Variants in HECTD2 observed in about 807,000 individuals in gnomAD.
HECTD2 encodes HECT domain E3 ubiquitin protein ligase 2.
Under a neutral mutation model 103.2 loss-of-function variants are expected in HECTD2, and 35 were observed. The ratio of observed to expected loss-of-function variants is 0.34; its 90% CI spans 0.26 to 0.45. HECTD2 has a LOEUF of 0.45. Ranked by LOEUF, HECTD2 falls within the 20% of genes least tolerant of loss-of-function variation. The probability of loss-of-function intolerance (pLI) is 1.00; values close to 1 mark genes in which losing one functional copy is unlikely to be tolerated. For missense variants in HECTD2, 596 were observed against 937.4 expected, an observed-to-expected ratio of 0.64 and a Z score of 4.76; for synonymous variants, 281 against 329.9, an observed-to-expected ratio of 0.85 and a Z score of 1.61.
At chr10:91,427,730 T>G (rs1162711560) in intron 2 of HECTD2, among the ~76,000 whole-genome samples, 1 of 152,154 alleles carries the variant, frequency 6.6e-6, no homozygotes. Flanking sequence ...TTGAGTTCAT[T>G]GTAGATTCTG....
At chr10:91,421,206 C>T (rs1328054356) in intron 1 of HECTD2, among the ~76,000 whole-genome samples, 7 of 152,152 alleles carry the variant, frequency 4.6e-5, no homozygotes, top group African/African-American at 9.7e-5. Flanking sequence ...TGCCCATTTC[C>T]GTTAGGCACA....
chr10:91,449,057 T>C (rs1844663677), intron 2 of HECTD2, among the ~76,000 whole-genome samples: 1 of 147,606 alleles, frequency 6.8e-6, no homozygotes, highest in African/African-American at 2.5e-5. Flanking sequence ...TACCAAAACC[T>C]GGCGGAGACA....
rs563523433 is a variant in HECTD2, at chr10:91,485,452, A to G, written c.1094+149A>G. The G allele has an allele frequency of 2.0e-4, 113 of 565,968 alleles. No individual in the cohort carries two copies. In the East Asian group the frequency reaches 4.0e-3, roughly 20 times the overall value. The allele number at this position is 565,968 out of a possible 1,614,324, so 35.1% of individuals were successfully genotyped here. Reference sequence around the variant, plus strand: ...ATAGCCTTGAAATATCATATTTATTAAAGTATTTTCTTTTTCTGCTACATT... The same window carrying G: ...ATAGCCTTGAAATATCATATTTATTGAAGTATTTTCTTTTTCTGCTACATT... On this transcript the variant is annotated intron_variant, in intron 10 of 20. Transcript: ENST00000298068.
chr10:91,434,945 A>G (rs906800623), intron 2 of HECTD2, among the ~76,000 whole-genome samples: 2 of 152,072 alleles, frequency 1.3e-5, no homozygotes, highest in Admixed American at 1.3e-4. Context: ...TAGGAAGTTC[A>G]GTACATGTTA....
intron 1 of HECTD2, among the ~76,000 whole-genome samples, chr10:91,412,641 A>C (rs1162827776): frequency 6.9e-6 from 1 of 145,736 alleles, no homozygotes; most frequent in South Asian, 2.2e-4. Context: ...AAAAAAAAAA[A>C]CAATTTATGA....
chr10:91,445,850 G>A (rs1029065605), intron 2 of HECTD2, among the ~76,000 whole-genome samples: 1 of 152,092 alleles, frequency 6.6e-6, no homozygotes, highest in African/African-American at 2.4e-5. Flanking sequence ...GGTGCACTCC[G>A]GCCCAGATAC....
intron 9 of HECTD2, 130 bp downstream of exon 9, chr10:91,484,785 A>G (rs1846208907): frequency 1.4e-6 from 1 of 702,106 alleles, no homozygotes. Context: ...AAGAGTTGTA[A>G]TTTATTTTCT....
chr10:91,466,270 G>A (rs114881518), intron 5 of HECTD2, among the ~76,000 whole-genome samples: 2 of 152,024 alleles, frequency 1.3e-5, no homozygotes, highest in African/African-American at 2.4e-5. Context: ...GTGTGAGAAT[G>A]ATCTTTCATT....
chr10:91,425,292 A>G lies in HECTD2; in HGVS notation c.150A>G (p.Arg50=). 2 of 1,537,580 alleles carry G rather than the reference A, an allele frequency of 1.3e-6. No individual in the cohort carries two copies. Among genetic ancestry groups the G allele is most frequent in the Admixed American group, 1.8e-5 (1 of 55,002 alleles). ...TTTTCTGTTTTCAGGGTTTGGACAG[A>G]GGAGCCAAAGGCCAAATTTCCACTT... ...AGAGATAGLD[R]GAKGQISTFS... The change falls in exon 2 of 21, where the codon AGA becomes AGG. Residue 50 remains arginine (R), a synonymous_variant. Transcript: ENST00000298068.
chr10:91,493,581 A>G, intron 14 of HECTD2, 73 bp downstream of exon 14: 3 of 791,528 alleles, frequency 3.8e-6, no homozygotes, highest in East Asian at 3.1e-5. Context: ...GTATTTTAGA[A>G]AACTGTTTTC....
At chr10:91,478,018 G>A (rs1845970248) in intron 5 of HECTD2, among the ~76,000 whole-genome samples, 183 bp from the exon 6 acceptor site, 1 of 152,116 alleles carries the variant, frequency 6.6e-6, no homozygotes. Context: ...TACTCTTACT[G>A]TAATCTTATG....
chr10:91,434,660 C>T lies in HECTD2; in HGVS notation c.268+9250C>T, dbSNP rs573105404. On this transcript the variant is annotated intron_variant, in intron 2 of 20. Coordinates refer to ENST00000298068, the MANE Select transcript of HECTD2 (RefSeq NM_182765.6). ...TGGGACATCTTATAGTTTAATGGCT[C>T]CTACACCCATGTGAATTTAGTTTTC... Among the ~76,000 whole-genome samples the T allele has an allele frequency of 2.6e-5, 4 of 151,776 alleles. No individual in the cohort carries two copies. In the South Asian group the frequency reaches 8.3e-4, roughly 32 times the overall value.
intron 2 of HECTD2, among the ~76,000 whole-genome samples, chr10:91,445,975 G>T (rs111643758): frequency 1.3e-5 from 2 of 151,924 alleles, no homozygotes; most frequent in African/African-American, 2.4e-5. Context: ...AGCAGACACC[G>T]AACTTGCTGC....
In HECTD2 at chr10:91,496,265, C is replaced by G; in HGVS notation, c.1573C>G (p.Pro525Ala). 6.2e-7 allele frequency: 1 copy of G among 1,612,514 alleles called. No individual in the cohort carries two copies. Among genetic ancestry groups the G allele is most frequent in the Non-Finnish European group, 8.5e-7 (1 of 1,178,746 alleles). The change falls in exon 15 of 21, where the codon CCC (proline) becomes GCC (alanine). Residue 525 changes from proline (P) to alanine (A), a missense_variant. Pro to Ala is a conservative substitution (Grantham distance 27, BLOSUM62 -1). Around this residue, in one of 4 missense-constraint regions of HECTD2, gnomAD observed 303 missense variants for 522.5 expected, o/e 0.58. Transcript: ENST00000298068. ...CATCACCTTGGATATTCGTTTCCCT[C>G]CCTGCTGTTACAAGAAATTATTGAG... ...NSITLDIRFPPCCYKKLLSPP... is the reference protein window; with the variant it reads ...NSITLDIRFPACCYKKLLSPP...
upstream of HECTD2, among the ~76,000 whole-genome samples, chr10:91,409,927 A>T (rs1842842973): frequency 6.6e-6 from 1 of 152,128 alleles, no homozygotes; most frequent in Non-Finnish European, 1.5e-5. Flanking sequence ...GTCTGTGCCT[A>T]CGTCCTGCCC....
At chr10:91,434,485 A>G (rs1844029143) in intron 2 of HECTD2, among the ~76,000 whole-genome samples, 1 of 151,922 alleles carries the variant, frequency 6.6e-6, no homozygotes, top group Admixed American at 6.6e-5. Context: ...CTTGTTTTTT[A>G]TTTTGTCAAA....
chr10:91,474,146 AAGT>A (rs1377572359), intron 5 of HECTD2, among the ~76,000 whole-genome samples: 5 of 152,206 alleles, frequency 3.3e-5, no homozygotes, highest in African/African-American at 9.6e-5. Context: ...AAGAAATCAA[AAGT>A]AACCTCTAAA....
chr10:91,477,766 ATG>A (rs1195918800), intron 5 of HECTD2, among the ~76,000 whole-genome samples: 1 of 152,164 alleles, frequency 6.6e-6, no homozygotes, highest in Non-Finnish European at 1.5e-5. Flanking sequence ...TATTATCTAA[ATG>A]TATTTTATTT....
At chr10:91,478,165 A>T (rs1381078775) in intron 5 of HECTD2, 36 bp from the exon 6 acceptor site, 2 of 1,384,150 alleles carry the variant, frequency 1.4e-6, no homozygotes, top group Non-Finnish European at 2.1e-6. Flanking sequence ...CTAATTTGGT[A>T]ATCCTAATTA....
Sources: gnomAD v4.1 joint callset for allele counts (sites outside exome capture counted in the v4.1 genomes callset) on GRCh38, gnomAD v4.1.1 for gene constraint, gnomAD v4.1.1 regional missense constraint, MANE v1.5 for transcripts, NCBI Gene and HGNC (gene_info 2026-07-23, HGNC 2026-07-21) for gene names.